Variants in OTOGL observed in about 807,000 individuals in gnomAD.
OTOGL encodes otogelin-like protein.
In OTOGL, 285 loss-of-function variants were observed where a neutral mutation model predicts 318.5. That is an observed-to-expected ratio of 0.89 (90% CI 0.81 to 0.99). OTOGL has a LOEUF of 0.99. Ranked by LOEUF, OTOGL falls within the 50% of genes least tolerant of loss-of-function variation. OTOGL has a pLI of 0.00. For missense variants in OTOGL, 2,899 were observed against 2,845.6 expected, an observed-to-expected ratio of 1.02 and a Z score of -0.43; for synonymous variants, 987 against 936.5, an observed-to-expected ratio of 1.05 and a Z score of -0.99.
At chr12:80,169,047 T>C (rs895289973) in intron 1 of OTOGL, among the ~76,000 whole-genome samples, 3 of 152,238 alleles carry the variant, frequency 2.0e-5, no homozygotes, top group African/African-American at 7.2e-5. Context: ...TCTAGAGCTA[T>C]AGTCTTGTTT....
chr12:80,330,335 C>T (rs1456831097), intron 37 of OTOGL, among the ~76,000 whole-genome samples: 1 of 152,082 alleles, frequency 6.6e-6, no homozygotes, highest in Non-Finnish European at 1.5e-5. Flanking sequence ...AATAAGAGCC[C>T]TACGAGAGAG....
chr12:80,153,516 A>C (rs534411482), intron 1 of OTOGL, among the ~76,000 whole-genome samples: 1 of 152,298 alleles, frequency 6.6e-6, no homozygotes, highest in African/African-American at 2.4e-5. Flanking sequence ...CCAGAGTGGC[A>C]CATTTGTTAA....
At chr12:80,172,720 C>T (rs1201187366) in intron 1 of OTOGL, among the ~76,000 whole-genome samples, 3 of 152,086 alleles carry the variant, frequency 2.0e-5, no homozygotes, top group Non-Finnish European at 4.4e-5. Flanking sequence ...AGAACGAGAT[C>T]ATATCCTTTG....
At chr12:80,375,595 C>T (rs1891134525) in intron 57 of OTOGL, among the ~76,000 whole-genome samples, 1 of 152,092 alleles carries the variant, frequency 6.6e-6, no homozygotes, top group Non-Finnish European at 1.5e-5. Context: ...GATGAGGCGT[C>T]ATTTGAGTAG....
chr12:80,230,753 T>C (rs1005366595), intron 8 of OTOGL, among the ~76,000 whole-genome samples: 1 of 152,170 alleles, frequency 6.6e-6, no homozygotes, highest in Non-Finnish European at 1.5e-5. Flanking sequence ...AAATCAAACA[T>C]GTGGCTCTGT....
chr12:80,272,341 GATGTGTGTGT>G (rs1219504911), intron 24 of OTOGL, among the ~76,000 whole-genome samples: 1 of 110,282 alleles, frequency 9.1e-6, no homozygotes, highest in Non-Finnish European at 1.8e-5. Context: ...TAGGCATTGT[GATGTGTGTGT>G]GTGTGTGTGT....
chr12:80,101,276 T>C (rs1869120956), intron 1 of OTOGL, among the ~76,000 whole-genome samples: 1 of 152,234 alleles, frequency 6.6e-6, no homozygotes, highest in Admixed American at 6.5e-5. Flanking sequence ...ACAGGCCTCA[T>C]GGCTCTAAGT....
intron 26 of OTOGL, among the ~76,000 whole-genome samples, chr12:80,285,533 C>T (rs7299708): frequency 0.99 from 151,501 of 152,292 alleles, 75,362 homozygotes; most frequent in Middle Eastern, 1. Flanking sequence ...TTTCCATTTG[C>T]TTGTGTCCTC....
At chr12:80,295,754 T>C (rs967872632) in intron 26 of OTOGL, among the ~76,000 whole-genome samples, 4 of 152,178 alleles carry the variant, frequency 2.6e-5, no homozygotes, top group African/African-American at 9.7e-5. Context: ...CCTAGAAAAA[T>C]GGTAAGTATA....
intron 19 of OTOGL, among the ~76,000 whole-genome samples, chr12:80,262,833 G>A (rs543238964): frequency 1.3e-5 from 2 of 152,166 alleles, no homozygotes; most frequent in East Asian, 1.9e-4. Flanking sequence ...AAAAATTAAT[G>A]TACATGCTTA....
At chr12:80,259,266 G>T (rs982700172) in intron 18 of OTOGL, among the ~76,000 whole-genome samples, 41 of 151,378 alleles carry the variant, frequency 2.7e-4, no homozygotes, top group Admixed American at 1.9e-3. Context: ...AGAACAATAG[G>T]GGGTTCACTG....
chr12:80,150,224 C>G (rs1311762105), intron 1 of OTOGL, among the ~76,000 whole-genome samples: 1 of 152,080 alleles, frequency 6.6e-6, no homozygotes, highest in Non-Finnish European at 1.5e-5. Flanking sequence ...TTCTCTTTAC[C>G]TCATTGAGCC....
intron 1 of OTOGL, among the ~76,000 whole-genome samples, chr12:80,188,433 G>A (rs1875452231): frequency 6.6e-6 from 1 of 151,888 alleles, no homozygotes; most frequent in East Asian, 1.9e-4. Flanking sequence ...AGCTACTCAG[G>A]AGGCTGAGGC....
At position 80,165,160 on chromosome 12, in the gene OTOGL, C is replaced by T. The variant is rs1472141750; in HGVS notation, c.-19-44253C>T. 2.0e-5 allele frequency among the ~76,000 whole-genome samples: 3 copies of T among 152,154 alleles called. No individual in the cohort carries two copies. The East Asian group carries it at 5.8e-4, about 29-fold the overall frequency. On this transcript the variant is annotated intron_variant, in intron 1 of 58. Coordinates refer to ENST00000547103, the MANE Select transcript of OTOGL (RefSeq NM_001378609.3). ...TCTTGAAAAAATTTGCAAGATATTT[C>T]TTGTCTTATGTCTGTCCAGTACTTT... is the stretch of plus-strand genomic sequence containing the variant.
At chr12:80,143,805 C>T (rs562203323) in intron 1 of OTOGL, among the ~76,000 whole-genome samples, 14 of 152,146 alleles carry the variant, frequency 9.2e-5, no homozygotes, top group East Asian at 5.8e-4. Context: ...CTCAATGTTG[C>T]GTCAGTCACT....
chr12:80,176,843 C>A (rs1283798091), intron 1 of OTOGL, among the ~76,000 whole-genome samples: 2 of 151,918 alleles, frequency 1.3e-5, no homozygotes, highest in Non-Finnish European at 2.9e-5. Flanking sequence ...GGGGTTGTAC[C>A]ATTTTACGTT....
chr12:80,233,207 G>C, intron 9 of OTOGL, 110 bp downstream of exon 9: 1 of 931,414 alleles, frequency 1.1e-6, no homozygotes, highest in Non-Finnish European at 1.6e-6. Context: ...ATTTGTGGCT[G>C]TCACTTGCCT....
chr12:80,355,216 CTTTCTTTCT>C (rs1889796050), intron 46 of OTOGL, among the ~76,000 whole-genome samples: 14 of 92,160 alleles, frequency 1.5e-4, no homozygotes, highest in Middle Eastern at 7.9e-3. Flanking sequence ...TCTTTTCTTT[CTTTCTTTCT>C]TTTCTTTTTT....
chr12:80,157,615 T>C (rs1244452948), intron 1 of OTOGL, among the ~76,000 whole-genome samples: 1 of 152,148 alleles, frequency 6.6e-6, no homozygotes, highest in Non-Finnish European at 1.5e-5. Context: ...TGGTGAGAGA[T>C]AGGGGTTTAG....
Sources: gnomAD v4.1 joint callset for allele counts (sites outside exome capture counted in the v4.1 genomes callset) on GRCh38, gnomAD v4.1.1 for gene constraint, MANE v1.5 for transcripts, NCBI Gene and HGNC (gene_info 2026-07-23, HGNC 2026-07-21) for gene names.